Variants in RASSF1 observed in about 807,000 individuals in gnomAD.
RASSF1 encodes ras association domain-containing protein 1.
In RASSF1, 33 loss-of-function variants were observed where a neutral mutation model predicts 34.3. The observed-to-expected ratio is 0.96, with a 90% CI of 0.73 to 1.29. RASSF1 has a LOEUF of 1.29. RASSF1 is among the 50% of genes most tolerant of loss of function. RASSF1 has a pLI of 0.00. For missense variants in RASSF1, 445 were observed against 471.8 expected (o/e 0.94, Z 0.53); for synonymous variants, 191 against 195.0 (o/e 0.98, Z 0.17).
At chr3:50,337,812 C>T (rs1050661411) in intron 2 of RASSF1, 93 bp downstream of exon 2, 1 of 1,276,022 alleles carries the variant, frequency 7.8e-7, no homozygotes, top group Non-Finnish European at 1.1e-6. Context: ...TTAGAACGCT[C>T]CTTGCGCGCG....
rs145333395 is a variant in RASSF1 at position 50,334,360 on chromosome 3, C to G, written c.358-2206G>C. On this transcript the variant is annotated intron_variant, in intron 2 of 5. Coordinates refer to ENST00000359365, the MANE Select transcript of RASSF1 (RefSeq NM_007182.5). ...CTGGAGTAAAAACCCCAGTACAAAC[C>G]TTACTGGGGACAGTGGGCAACCTTG... Among the ~76,000 whole-genome samples, 727 of 152,270 alleles carry G rather than the reference C, an allele frequency of 4.8e-3. 8 individuals are homozygous for G. Among genetic ancestry groups the G allele is most frequent in the Non-Finnish European group, 7.6e-3 (516 of 68,012 alleles).
rs369243357 is a variant in RASSF1 at position 50,331,626 on chromosome 3, T to C, written c.693A>G (p.Arg231=). The C allele has an allele frequency of 1.4e-5, 23 of 1,605,252 alleles. No individual in the cohort carries two copies. Among genetic ancestry groups the C allele is most frequent in the Non-Finnish European group, 1.9e-5 (22 of 1,172,686 alleles). Residue 231 remains arginine (R), a synonymous_variant, in exon 4 of 6, where the codon CGA becomes CGG. Coordinates refer to ENST00000359365, the MANE Select transcript of RASSF1 (RefSeq NM_007182.5). ...GGGGGTCATCCACCACCAAGAACTT[T>C]CGCAGCAGGGCCTCAATGACTTCAC... ...RAREVIEALL[R]KFLVVDDPRK...
intron 1 of RASSF1, among the ~76,000 whole-genome samples, chr3:50,339,952 C>A (rs1362496913): frequency 6.6e-6 from 1 of 152,184 alleles, no homozygotes; most frequent in Non-Finnish European, 1.5e-5. Context: ...GTAAAAGCAC[C>A]CCTGGTGATT....
intron 2 of RASSF1, among the ~76,000 whole-genome samples, chr3:50,335,428 T>A (rs1143433): frequency 2.0e-5 from 3 of 151,150 alleles, no homozygotes; most frequent in African/African-American, 7.3e-5. Flanking sequence ...GTGATACTCC[T>A]GCCTCAGCCT....
At chr3:50,331,092 G>T (rs962473742) in intron 5 of RASSF1, among the ~76,000 whole-genome samples, 3 of 152,156 alleles carry the variant, frequency 2.0e-5, no homozygotes, top group African/African-American at 7.2e-5. Flanking sequence ...TGCATCTCCA[G>T]AAGATTTTCC....
intron 2 of RASSF1, among the ~76,000 whole-genome samples, chr3:50,334,191 C>T (rs1313689000): frequency 6.6e-6 from 1 of 152,198 alleles, no homozygotes; most frequent in African/African-American, 2.4e-5. Context: ...TACCCAGAAC[C>T]CGCTGCTATT....
At chr3:50,336,198 C>G (rs146261556) in intron 2 of RASSF1, among the ~76,000 whole-genome samples, 3 of 152,360 alleles carry the variant, frequency 2.0e-5, no homozygotes, top group African/African-American at 7.2e-5. Context: ...AAGCTCTGGG[C>G]TAAGATTTTG....
chr3:50,330,722 G>T lies in RASSF1; in HGVS notation c.882C>A (p.Asp294Glu). The change falls in exon 6 of 6, where the codon GAC (aspartate) becomes GAA (glutamate). Residue 294 changes from aspartate to glutamate, a missense_variant. Coordinates refer to ENST00000359365, the MANE Select transcript of RASSF1 (RefSeq NM_007182.5). The surrounding 1 kb of genome is among the most constrained non-coding windows in gnomAD (Gnocchi z 4.5). ...TATGTAGTTCAGGCATGCTGAAGGCGTCCCACTGCAAGGGGCAAAAGGGGA... is the reference window on the plus strand; with the variant it reads ...TATGTAGTTCAGGCATGCTGAAGGCTTCCCACTGCAAGGGGCAAAAGGGGA... ...KENDSGEVNWDAFSMPELHNF... is the reference protein window; with the variant it reads ...KENDSGEVNWEAFSMPELHNF... 6.2e-7 allele frequency: 1 copy of T among 1,613,800 alleles called. No individual in the cohort carries two copies. Among genetic ancestry groups the T allele is most frequent in the Non-Finnish European group, 8.5e-7 (1 of 1,179,876 alleles).
Position 50,331,675 on chromosome 3 carries a change from T to G in RASSF1, c.644A>C (p.His215Pro), listed in dbSNP as rs1184094026. 2.5e-6 allele frequency: 4 copies of G among 1,613,036 alleles called. No homozygotes were observed. The African/African-American group carries it at 5.3e-5, about 22-fold the overall frequency. ...ACGTGCCCTTGTGCGTGACAGCACA[T>G]GCAGGTGCTTGACAGCATCCTTGGG... is the stretch of plus-strand genomic sequence containing the variant. ...YLPKDAVKHL[H>P]VLSRTRAREV... The change falls in exon 4 of 6, where the codon CAT becomes CCT. Residue 215 changes from histidine to proline, a missense_variant. Coordinates refer to ENST00000359365, the MANE Select transcript of RASSF1 (RefSeq NM_007182.5).
chr3:50,337,956 G>A lies in RASSF1; in HGVS notation c.306C>T (p.Cys102=), dbSNP rs778017552. The A allele has an allele frequency of 5.6e-6, 9 of 1,611,048 alleles. No individual in the cohort carries two copies. The South Asian group carries it at 6.6e-5, about 12-fold the overall frequency. Residue 102 remains cysteine, a synonymous_variant, in exon 2 of 6, where the codon TGC becomes TGT. Transcript: ENST00000359365. ...GTTCCCAGCCCAGGTCCCGGGGCCC[G>A]CAACAGTCCAGGCAGACGAGCGCGC... The part of the protein sequence containing the change: ...RCRALVCLDC[C]GPRDLGWEPA...
chr3:50,337,365 A>T, intron 2 of RASSF1: 1 of 1,602,516 alleles, frequency 6.2e-7, no homozygotes, highest in East Asian at 2.2e-5. Context: ...GTAGCCGCCA[A>T]CCACCGCCCC....
At chr3:50,337,864 C>T in intron 2 of RASSF1, 41 bp downstream of exon 2, 2 of 1,512,066 alleles carry the variant, frequency 1.3e-6, no homozygotes, top group South Asian at 2.3e-5. Context: ...TGTGGCCTGC[C>T]CATCCTCGCC....
chr3:50,337,542 A>G (rs1025888364), intron 2 of RASSF1: 1 of 1,490,860 alleles, frequency 6.7e-7, no homozygotes, highest in Non-Finnish European at 9.0e-7. Context: ...GAATGACCTC[A>G]TCGCTCCGGA....
intron 2 of RASSF1, among the ~76,000 whole-genome samples, chr3:50,335,531 C>A (rs1249259625): frequency 1.3e-5 from 2 of 152,022 alleles, no homozygotes; most frequent in African/African-American, 2.4e-5. Context: ...GTTGGCCTGG[C>A]AGGTCTCGAA....
intron 2 of RASSF1, chr3:50,337,579 C>A: frequency 7.4e-7 from 1 of 1,358,042 alleles, no homozygotes; most frequent in Non-Finnish European, 1.0e-6. Flanking sequence ...CCACCTACCA[C>A]AGGGAACGGG....
At chr3:50,338,042 A>G in intron 1 of RASSF1, 31 bp from the exon 2 acceptor site, 2 of 1,552,752 alleles carry the variant, frequency 1.3e-6, no homozygotes, top group Non-Finnish European at 1.7e-6. Flanking sequence ...GAGGCGGAGG[A>G]GCTCCAGGTC....
At position 50,340,791 on chromosome 3, in the gene RASSF1, A is replaced by G. The variant is rs1369888912; in HGVS notation, c.15T>C (p.Pro5=). ...CCAGCTCCCGCAGCTCAATGAGCTC[A>G]GGCTCCCCCGACATGGCCCGGTTGG... MSGE[P]ELIELRELAP... The change falls in exon 1 of 6, where the codon CCT becomes CCC. Residue 5 remains proline (P), a synonymous_variant. Transcript: ENST00000359365. The G allele has an allele frequency of 2.0e-6, 3 of 1,511,364 alleles. No homozygotes were observed. The highest frequency in any genetic ancestry group is 1.8e-6 in the Non-Finnish European group (2 of 1,139,978). The allele number at this position is 1,511,364 out of a possible 1,614,324, so 93.6% of individuals were successfully genotyped here. A position where few individuals can be genotyped will look rare whatever the true frequency, so the allele number is the denominator to read the frequency against.
At chr3:50,336,854 C>G (rs1453783287) in intron 2 of RASSF1, 5 of 367,246 alleles carry the variant, frequency 1.4e-5, no homozygotes, top group Admixed American at 4.6e-5. Flanking sequence ...AATCGAGGTG[C>G]TAGTCCAAAC....
chr3:50,331,705 T>C lies in RASSF1; in HGVS notation c.614A>G (p.Tyr205Cys), dbSNP rs1702949055. 1.1e-5 allele frequency: 17 copies of C among 1,613,132 alleles called. No individual in the cohort carries two copies. The highest frequency in any genetic ancestry group is 1.4e-5 in the Non-Finnish European group (17 of 1,179,452). Residue 205 changes from tyrosine (Y) to cysteine (C), a missense_variant, in exon 4 of 6, where the codon TAC (tyrosine) becomes TGC (cysteine). Tyr to Cys is a radical substitution (Grantham distance 194, BLOSUM62 -2). Coordinates refer to ENST00000359365, the MANE Select transcript of RASSF1 (RefSeq NM_007182.5). ...GTSVRRRTSF[Y>C]LPKDAVKHLH... is the part of the protein sequence containing the mutation. ...GTGCTTGACAGCATCCTTGGGCAGGTAAAAGGAAGTGCGGCGCCTGACACT... is the reference window on the plus strand; with the variant it reads ...GTGCTTGACAGCATCCTTGGGCAGGCAAAAGGAAGTGCGGCGCCTGACACT...
Sources: allele counts gnomAD v4.1 joint callset (sites outside exome capture counted in the v4.1 genomes callset), GRCh38; gene constraint gnomAD v4.1.1; non-coding constraint Gnocchi (gnomAD v3.1); transcripts MANE v1.5; gene names NCBI Gene and HGNC (gene_info 2026-07-23, HGNC 2026-07-21).